Variants in CLSTN2 observed in about 807,000 individuals in gnomAD.
CLSTN2 encodes the protein calsyntenin-2.
CLSTN2 carries 48 observed loss-of-function variants against 101.2 expected under a neutral mutation model. That is an observed-to-expected ratio of 0.47 (90% CI 0.38 to 0.60). The LOEUF (loss-of-function observed/expected upper bound fraction) is 0.60. CLSTN2 is among the 20% of genes least tolerant of loss of function. CLSTN2 has a pLI of 0.00. For synonymous variants in CLSTN2, 481 were observed against 463.6 expected, an observed-to-expected ratio of 1.04 and a Z score of -0.48; for missense variants, 1,160 against 1,238.2, an observed-to-expected ratio of 0.94 and a Z score of 0.95.
intron 2 of CLSTN2, among the ~76,000 whole-genome samples, chr3:140,235,511 A>C (rs2086409373): frequency 6.6e-6 from 1 of 152,216 alleles, no homozygotes; most frequent in South Asian, 2.1e-4. Context: ...AGCTGTGTCC[A>C]GTTGTGTGCA....
chr3:140,373,424 A>T (rs2087880970), intron 2 of CLSTN2, among the ~76,000 whole-genome samples: 2 of 152,232 alleles, frequency 1.3e-5, no homozygotes, highest in Non-Finnish European at 2.9e-5. Flanking sequence ...CAACTGGAAA[A>T]TGATCAGATT....
intron 7 of CLSTN2, among the ~76,000 whole-genome samples, chr3:140,466,266 T>C (rs1644361627): frequency 1.3e-5 from 2 of 152,190 alleles, no homozygotes; most frequent in African/African-American, 2.4e-5. Context: ...CCCTAAACCC[T>C]CCAGAAGCAT....
intron 1 of CLSTN2, among the ~76,000 whole-genome samples, chr3:139,938,140 CAA>C (rs66697366): frequency 6.8e-3 from 641 of 94,698 alleles, no homozygotes; most frequent in African/African-American, 8.3e-3. Context: ...ATTCCCATCA[CAA>C]AAAAAAAAAA....
chr3:140,034,304 G>GACTC (rs1197420931), intron 1 of CLSTN2, among the ~76,000 whole-genome samples: 2 of 152,252 alleles, frequency 1.3e-5, no homozygotes, highest in Admixed American at 6.5e-5. Context: ...AGTGGAGGAG[G>GACTC]GAGTAGTGCT....
At chr3:140,342,818 A>G (rs2087505479) in intron 2 of CLSTN2, among the ~76,000 whole-genome samples, 1 of 152,142 alleles carries the variant, frequency 6.6e-6, no homozygotes, top group African/African-American at 2.4e-5. Context: ...CTGTGGCCAG[A>G]ACATCTTGCA....
Position 140,406,195 on chromosome 3 carries a change from C to T in CLSTN2, c.637+1429C>T, listed in dbSNP as rs116696652. Among the ~76,000 whole-genome samples, 617 of 152,140 alleles carry T rather than the reference C, an allele frequency of 4.1e-3. 3 individuals carry two copies. The highest frequency in any genetic ancestry group is 6.5e-3 in the Non-Finnish European group (442 of 68,040). On this transcript the variant is annotated intron_variant, in intron 4 of 16. Transcript: ENST00000458420. ...GTACACCTTCAGGAGAAACCCAACA[C>T]TTCATGATGTTGAGACCAGGTAGAA...
At chr3:140,052,945 T>A (rs539674790) in intron 1 of CLSTN2, among the ~76,000 whole-genome samples, 1 of 152,302 alleles carries the variant, frequency 6.6e-6, no homozygotes, top group East Asian at 1.9e-4. Flanking sequence ...TTCTCCCCCA[T>A]GCAGGGCAGA....
At chr3:140,494,034 T>C (rs376553597) in intron 8 of CLSTN2, among the ~76,000 whole-genome samples, 3 of 152,180 alleles carry the variant, frequency 2.0e-5, no homozygotes, top group African/African-American at 7.2e-5. Context: ...CTGGACTCCA[T>C]ACAAGAAAAA....
chr3:140,148,450 T>G (rs2009814398), intron 1 of CLSTN2, among the ~76,000 whole-genome samples: 1 of 152,236 alleles, frequency 6.6e-6, no homozygotes, highest in Non-Finnish European at 1.5e-5. Context: ...CAGCCCAGCC[T>G]GGCATATTCC....
chr3:140,501,638 TCCCAAGGCCCTC>T (rs1407582219), intron 8 of CLSTN2, among the ~76,000 whole-genome samples: 2 of 151,004 alleles, frequency 1.3e-5, no homozygotes, highest in Non-Finnish European at 3.0e-5. Context: ...GAGTTGTGTT[TCCCAAGGCCCTC>T]CCCCATCCCA....
Position 140,576,739 on chromosome 3 carries a change from G to C in CLSTN2, c.*10486G>C, listed in dbSNP as rs1004248958. ...AGTCTGGCCGGTGTCTCCCACAGTG[G>C]ATGGCTTTGCCTCCAGCGGTGGACC... On this transcript the variant is annotated 3_prime_UTR_variant, in exon 17 of 17. Transcript: ENST00000458420. 5 of 152,224 alleles carry C rather than the reference G, an allele frequency of 3.3e-5. No homozygotes were observed. The highest frequency in any genetic ancestry group is 7.2e-5 in the African/African-American group (3 of 41,450). The allele number at this position is 152,224 out of a possible 1,614,324, so 9.4% of individuals were successfully genotyped here.
intron 1 of CLSTN2, among the ~76,000 whole-genome samples, chr3:140,057,422 T>C (rs2107771119): frequency 6.6e-6 from 1 of 152,322 alleles, no homozygotes; most frequent in Non-Finnish European, 1.5e-5. Context: ...TCTCTGCACT[T>C]GTTGGCCTTC....
At chr3:140,559,560 A>AGGGGGGGGGG (rs1299690699) in intron 12 of CLSTN2, among the ~76,000 whole-genome samples, 3 of 135,574 alleles carry the variant, frequency 2.2e-5, no homozygotes, top group Non-Finnish European at 3.1e-5. Context: ...GGCGGGGGTC[A>AGGGGGGGGGG]GGGGGGCGGG....
chr3:140,279,151 A>G (rs2086822801), intron 2 of CLSTN2, among the ~76,000 whole-genome samples: 1 of 152,126 alleles, frequency 6.6e-6, no homozygotes, highest in South Asian at 2.1e-4. Flanking sequence ...GATCCATCCC[A>G]TTGGCTTCTA....
intron 2 of CLSTN2, among the ~76,000 whole-genome samples, chr3:140,284,195 T>A (rs901663124): frequency 6.6e-6 from 1 of 152,186 alleles, no homozygotes; most frequent in African/African-American, 2.4e-5. Context: ...CCAGGTAGGA[T>A]TTTATCAAAA....
At chr3:140,036,250 T>A (rs993164413) in intron 1 of CLSTN2, among the ~76,000 whole-genome samples, 1 of 151,194 alleles carries the variant, frequency 6.6e-6, no homozygotes, top group African/African-American at 2.5e-5. Flanking sequence ...AACAATCACA[T>A]ACATTCTACT....
At chr3:140,553,072 C>G (rs775412347) in intron 10 of CLSTN2, among the ~76,000 whole-genome samples, 3 of 152,222 alleles carry the variant, frequency 2.0e-5, no homozygotes, top group Non-Finnish European at 4.4e-5. Context: ...AACTCAGACA[C>G]TGACTGTGGC....
At chr3:140,504,199 ATTTAG>A (rs541598915) in intron 8 of CLSTN2, among the ~76,000 whole-genome samples, 80 of 152,292 alleles carry the variant, frequency 5.3e-4, no homozygotes, top group African/African-American at 1.8e-3. Flanking sequence ...CTCCATGCAT[ATTTAG>A]TTAACAGATG....
intron 2 of CLSTN2, among the ~76,000 whole-genome samples, chr3:140,224,628 A>G (rs1014327332): frequency 1.1e-4 from 17 of 152,222 alleles, no homozygotes; most frequent in African/African-American, 4.1e-4. Flanking sequence ...CAAATAGGTT[A>G]TAAAAATTTT....
Sources: gnomAD v4.1 joint callset for allele counts (sites outside exome capture counted in the v4.1 genomes callset) on GRCh38, gnomAD v4.1.1 for gene constraint, MANE v1.5 for transcripts, NCBI Gene and HGNC (gene_info 2026-07-23, HGNC 2026-07-21) for gene names.